CSNK1G1: variants seen among roughly 807,000 people sequenced by gnomAD.
CSNK1G1 encodes casein kinase I isoform gamma-1.
A neutral mutation model predicts 59.6 loss-of-function variants in CSNK1G1; 22 were observed. The ratio of observed to expected loss-of-function variants is 0.37; its 90% CI spans 0.26 to 0.53. The LOEUF (loss-of-function observed/expected upper bound fraction) is 0.53. CSNK1G1 is among the 20% of genes least tolerant of loss of function. The probability of loss-of-function intolerance (pLI) is 0.89; values close to 1 mark genes in which losing one functional copy is unlikely to be tolerated. For synonymous variants in CSNK1G1, 179 were observed against 177.1 expected (o/e 1.01, Z -0.08); for missense variants, 384 against 519.5 (o/e 0.74, Z 2.54).
chr15:64,277,991 A>C (rs1026043055), intron 2 of CSNK1G1, among the ~76,000 whole-genome samples: 1 of 144,844 alleles, frequency 6.9e-6, no homozygotes, highest in Non-Finnish European at 1.5e-5. Context: ...TATTCGAATA[A>C]TATATTAATA....
intron 4 of CSNK1G1, among the ~76,000 whole-genome samples, chr15:64,230,774 C>A (rs941975286): frequency 6.6e-6 from 1 of 151,946 alleles, no homozygotes; most frequent in Non-Finnish European, 1.5e-5. Flanking sequence ...AGATTGAGAC[C>A]ATCCTGGCTA....
At chr15:64,301,368 CAAAA>C (rs5813288) in intron 1 of CSNK1G1, among the ~76,000 whole-genome samples, 1 of 142,304 alleles carries the variant, frequency 7.0e-6, no homozygotes, top group Non-Finnish European at 1.5e-5. Context: ...GAAAATAAAG[CAAAA>C]AAAAAAAAAA....
At chr15:64,226,120 C>T (rs1273671161) in intron 4 of CSNK1G1, among the ~76,000 whole-genome samples, 1 of 152,208 alleles carries the variant, frequency 6.6e-6, no homozygotes, top group Non-Finnish European at 1.5e-5. Context: ...AACTCACAGT[C>T]AAGACTTTCC....
intron 1 of CSNK1G1, among the ~76,000 whole-genome samples, chr15:64,352,871 T>G (rs1898392682): frequency 6.6e-6 from 1 of 151,100 alleles, no homozygotes; most frequent in Admixed American, 6.6e-5. Flanking sequence ...GGCGGATCAC[T>G]TGAGGTCAGG....
intron 10 of CSNK1G1, among the ~76,000 whole-genome samples, chr15:64,201,309 A>G (rs2082104464): frequency 6.6e-6 from 1 of 151,960 alleles, no homozygotes; most frequent in South Asian, 2.1e-4. Context: ...AAGAAAAGAA[A>G]AAAGAAATTG....
rs1213412694 is a variant in CSNK1G1, at chr15:64,356,104, G to C, written c.-341C>G. 6.6e-6 allele frequency: 1 copy of C among 152,254 alleles called. No individual in the cohort carries two copies. Among genetic ancestry groups the C allele is most frequent in the Non-Finnish European group, 1.5e-5 (1 of 68,086 alleles). The allele number at this position is 152,254 out of a possible 1,614,324, so 9.4% of individuals were successfully genotyped here. A position where few individuals can be genotyped will look rare whatever the true frequency, so the allele number is the denominator to read the frequency against. Reference sequence around the variant, plus strand: ...TTCTCTCTTTCCCAGGAGCGGGAGGGAGGGGAGAAGGCGGACGGGAGGGGG... The same window carrying C: ...TTCTCTCTTTCCCAGGAGCGGGAGGCAGGGGAGAAGGCGGACGGGAGGGGG... On this transcript the variant is annotated 5_prime_UTR_variant, in exon 1 of 12. Transcript: ENST00000303052.
intron 10 of CSNK1G1, chr15:64,181,444 G>C: frequency 6.6e-7 from 1 of 1,513,740 alleles, no homozygotes; most frequent in Non-Finnish European, 8.8e-7. Context: ...AAACATGGGA[G>C]AGAACACAAA....
intron 10 of CSNK1G1, chr15:64,181,301 T>C (rs1347097719): frequency 2.2e-5 from 34 of 1,536,024 alleles, no homozygotes; most frequent in Non-Finnish European, 2.8e-5. Context: ...ATCAGGCTTC[T>C]CTTGCATGTG....
intron 10 of CSNK1G1, among the ~76,000 whole-genome samples, chr15:64,186,884 C>T (rs1256174664): frequency 1.3e-5 from 2 of 151,660 alleles, no homozygotes; most frequent in Non-Finnish European, 2.9e-5. Context: ...AGTGCAATGG[C>T]GTGATCTCGG....
At chr15:64,237,201 C>T (rs982927438) in intron 4 of CSNK1G1, among the ~76,000 whole-genome samples, 1 of 151,916 alleles carries the variant, frequency 6.6e-6, no homozygotes. Flanking sequence ...TGATGAATAC[C>T]CTACAAACCC....
intron 4 of CSNK1G1, among the ~76,000 whole-genome samples, chr15:64,245,014 T>C (rs1891675010): frequency 6.6e-6 from 1 of 151,794 alleles, no homozygotes; most frequent in African/African-American, 2.4e-5. Context: ...TCAACAAAGG[T>C]GCCAAGAACA....
chr15:64,289,657 G>A (rs1401947290), intron 2 of CSNK1G1, among the ~76,000 whole-genome samples: 2 of 152,090 alleles, frequency 1.3e-5, no homozygotes, highest in African/African-American at 4.8e-5. Context: ...CTGAATGGGA[G>A]AAAATATTTG....
chr15:64,243,163 C>A (rs1038176992), intron 4 of CSNK1G1, among the ~76,000 whole-genome samples: 1 of 152,102 alleles, frequency 6.6e-6, no homozygotes, highest in Non-Finnish European at 1.5e-5. Context: ...TGGTGATACC[C>A]TGTCTCTACT....
intron 4 of CSNK1G1, among the ~76,000 whole-genome samples, chr15:64,250,353 T>C (rs2140317120): frequency 6.6e-6 from 1 of 152,276 alleles, no homozygotes; most frequent in East Asian, 1.9e-4. Flanking sequence ...ATAGTCAGGG[T>C]ATAATAAAAC....
At chr15:64,324,116 G>C (rs1896712420) in intron 1 of CSNK1G1, among the ~76,000 whole-genome samples, 1 of 152,136 alleles carries the variant, frequency 6.6e-6, no homozygotes, top group Non-Finnish European at 1.5e-5. Context: ...GTAGATACTT[G>C]ACATCCTGAC....
chr15:64,254,503 C>T (rs990182925), intron 3 of CSNK1G1, among the ~76,000 whole-genome samples: 2 of 151,980 alleles, frequency 1.3e-5, no homozygotes, highest in Non-Finnish European at 2.9e-5. Flanking sequence ...AGGTATGCAC[C>T]ACCACACCTG....
intron 1 of CSNK1G1, among the ~76,000 whole-genome samples, chr15:64,352,776 T>A (rs1385245679): frequency 4.0e-5 from 6 of 151,384 alleles, no homozygotes; most frequent in Non-Finnish European, 8.8e-5. Context: ...CAAAGAGACA[T>A]GGGGAAGAAA....
intron 3 of CSNK1G1, among the ~76,000 whole-genome samples, chr15:64,258,617 T>A (rs1892523994): frequency 6.6e-6 from 1 of 152,144 alleles, no homozygotes; most frequent in African/African-American, 2.4e-5. Flanking sequence ...AGATAAAGAA[T>A]TCTGTCTTTT....
chr15:64,213,003 C>T (rs2082267999), intron 6 of CSNK1G1, among the ~76,000 whole-genome samples: 1 of 151,986 alleles, frequency 6.6e-6, no homozygotes, highest in Non-Finnish European at 1.5e-5. Context: ...GAGACTACAT[C>T]TCAAAAAAAT....
Sources: gnomAD v4.1 joint callset for allele counts (sites outside exome capture counted in the v4.1 genomes callset) on GRCh38, gnomAD v4.1.1 for gene constraint, MANE v1.5 for transcripts, NCBI Gene and HGNC (gene_info 2026-07-23, HGNC 2026-07-21) for gene names.